PKIB: variants seen among roughly 807,000 people sequenced by gnomAD.
PKIB encodes the protein cAMP-dependent protein kinase inhibitor beta, also known as PKI-beta.
In PKIB, 2 loss-of-function variants were observed where a neutral mutation model predicts 4.5. The ratio of observed to expected loss-of-function variants is 0.44; its 90% CI spans 0.18 to 1.39. The LOEUF (loss-of-function observed/expected upper bound fraction) is 1.39, where lower values mean the gene tolerates loss of function less well. Among genes scored for constraint, PKIB ranks in the 40% most tolerant of loss-of-function variants. The pLI is 0.27. For missense variants in PKIB, 94 were observed against 92.6 expected, an observed-to-expected ratio of 1.02 and a Z score of -0.06; for synonymous variants, 38 against 36.0, an observed-to-expected ratio of 1.06 and a Z score of -0.20.
At chr6:122,664,820 C>A (rs1053156139) in intron 2 of PKIB, among the ~76,000 whole-genome samples, 2 of 152,036 alleles carry the variant, frequency 1.3e-5, no homozygotes, top group Admixed American at 1.3e-4. Context: ...AATAATTCAT[C>A]TTCTAAAGGC....
intron 2 of PKIB, among the ~76,000 whole-genome samples, chr6:122,671,577 A>C (rs1338524652): frequency 6.6e-6 from 1 of 152,180 alleles, no homozygotes; most frequent in Non-Finnish European, 1.5e-5. Context: ...TAATGTAACT[A>C]ACCTGACATG....
intron 2 of PKIB, among the ~76,000 whole-genome samples, chr6:122,484,883 C>T (rs1276370815): frequency 1.3e-5 from 2 of 152,198 alleles, no homozygotes; most frequent in Admixed American, 6.5e-5. Context: ...GAAAACCTAA[C>T]TTAGGAGTAT....
At position 122,610,482 on chromosome 6, in the gene PKIB, C is replaced by G. The variant is rs1582735063; in HGVS notation, c.-214C>G. 1 of 152,586 alleles carries G rather than the reference C, an allele frequency of 6.6e-6. No individual in the cohort carries two copies. Among genetic ancestry groups the G allele is most frequent in the African/African-American group, 2.4e-5 (1 of 41,484 alleles). 9.5% of individuals were successfully genotyped at this position (152,586 alleles called of 1,614,324 possible). A position where few individuals can be genotyped will look rare whatever the true frequency, so the allele number is the denominator to read the frequency against. On this transcript the variant is annotated 5_prime_UTR_variant, in exon 1 of 5. Coordinates refer to ENST00000368452, the MANE Select transcript of PKIB (RefSeq NM_181795.3). ...AGTCGCAGCTCCGGGCCGCAGAGCGCTGGGCGAGCGCGAGCGCCAGGGCAC... is the reference window on the plus strand; with the variant it reads ...AGTCGCAGCTCCGGGCCGCAGAGCGGTGGGCGAGCGCGAGCGCCAGGGCAC...
intron 3 of PKIB, among the ~76,000 whole-genome samples, chr6:122,598,376 C>T (rs1487778690): frequency 1.3e-5 from 2 of 152,206 alleles, no homozygotes; most frequent in Non-Finnish European, 2.9e-5. Context: ...TGCTGCTTTG[C>T]CTCTGCTGAC....
At chr6:122,657,643 G>T (rs777967660) in intron 2 of PKIB, among the ~76,000 whole-genome samples, 3 of 152,156 alleles carry the variant, frequency 2.0e-5, no homozygotes, top group Non-Finnish European at 4.4e-5. Flanking sequence ...TTTCATCATG[G>T]TTTAGCAGGA....
intron 2 of PKIB, among the ~76,000 whole-genome samples, chr6:122,575,982 A>C (rs1171799031): frequency 6.6e-6 from 1 of 152,216 alleles, no homozygotes; most frequent in Non-Finnish European, 1.5e-5. Context: ...AAGAAGCCAG[A>C]CACACAACAG....
At chr6:122,702,682 TAA>T (rs1778874522) in intron 3 of PKIB, among the ~76,000 whole-genome samples, 1 of 151,930 alleles carries the variant, frequency 6.6e-6, no homozygotes, top group Non-Finnish European at 1.5e-5. Context: ...ACCAAAGAAA[TAA>T]GTCTCCATGA....
At chr6:122,503,327 T>G (rs558754940) in intron 2 of PKIB, among the ~76,000 whole-genome samples, 1 of 152,356 alleles carries the variant, frequency 6.6e-6, no homozygotes, top group African/African-American at 2.4e-5. Flanking sequence ...AAATTATGCC[T>G]AATAATTGGC....
chr6:122,472,001 C>G (rs1359727959), exon 1 of PKIB: 2 of 773,396 alleles, frequency 2.6e-6, no homozygotes, highest in African/African-American at 1.8e-5. Context: ...AACTTAACGG[C>G]TAATGTGGAT....
At chr6:122,539,427 C>G (rs1777517994) in intron 2 of PKIB, among the ~76,000 whole-genome samples, 1 of 152,046 alleles carries the variant, frequency 6.6e-6, no homozygotes, top group Admixed American at 6.6e-5. Context: ...TTTTCTGCAT[C>G]TATTGAGATA....
intron 2 of PKIB, among the ~76,000 whole-genome samples, chr6:122,637,125 T>C (rs1002499235): frequency 6.6e-6 from 1 of 152,210 alleles, no homozygotes; most frequent in Non-Finnish European, 1.5e-5. Flanking sequence ...AATAATTTCA[T>C]AATCTTGTCT....
intron 3 of PKIB, among the ~76,000 whole-genome samples, chr6:122,677,357 T>C (rs560869440): frequency 6.6e-6 from 1 of 152,290 alleles, no homozygotes; most frequent in South Asian, 2.1e-4. Flanking sequence ...ACTGCCTCAT[T>C]GATTATAATA....
intron 3 of PKIB, among the ~76,000 whole-genome samples, chr6:122,595,836 A>G (rs1446551552): frequency 1.3e-5 from 2 of 152,078 alleles, no homozygotes; most frequent in Non-Finnish European, 2.9e-5. Context: ...GTGGCTGGGG[A>G]AAAAGGCTGA....
chr6:122,674,439 C>T (rs990648371), intron 2 of PKIB, among the ~76,000 whole-genome samples: 5 of 151,924 alleles, frequency 3.3e-5, no homozygotes, highest in South Asian at 2.1e-4. Flanking sequence ...ATGTGCATAC[C>T]GACGGTTCAT....
At chr6:122,720,290 TG>T (rs1300813116) in intron 4 of PKIB, among the ~76,000 whole-genome samples, 1 of 152,222 alleles carries the variant, frequency 6.6e-6, no homozygotes, top group Non-Finnish European at 1.5e-5. Context: ...GTTCATAATC[TG>T]TCTTAATCTA....
intron 2 of PKIB, among the ~76,000 whole-genome samples, chr6:122,638,769 T>C (rs1254237762): frequency 6.6e-6 from 1 of 152,164 alleles, no homozygotes; most frequent in African/African-American, 2.4e-5. Context: ...CAGGTCTTGG[T>C]CCTGGGGTTT....
chr6:122,484,664 T>C (rs1775712744), intron 2 of PKIB, among the ~76,000 whole-genome samples: 1 of 152,218 alleles, frequency 6.6e-6, no homozygotes, highest in African/African-American at 2.4e-5. Flanking sequence ...TAAATAAAAT[T>C]ATTTAATATT....
chr6:122,634,473 C>T (rs548618074), intron 2 of PKIB, among the ~76,000 whole-genome samples: 74 of 152,268 alleles, frequency 4.9e-4, no homozygotes, highest in Non-Finnish European at 4.4e-5. Context: ...CCTTGCTTCT[C>T]CACTGCAGCT....
chr6:122,500,110 T>A (rs988509535), intron 2 of PKIB, among the ~76,000 whole-genome samples: 1 of 152,170 alleles, frequency 6.6e-6, no homozygotes, highest in Admixed American at 6.5e-5. Flanking sequence ...ATTATTAAAA[T>A]GGCCATACTT....
Sources: allele counts gnomAD v4.1 joint callset (sites outside exome capture counted in the v4.1 genomes callset), GRCh38; gene constraint gnomAD v4.1.1; transcripts MANE v1.5; gene names NCBI Gene and HGNC (gene_info 2026-07-23, HGNC 2026-07-21).